Variants in DAPK1 observed in about 807,000 individuals in gnomAD.
DAPK1 encodes death-associated protein kinase 1.
Under a neutral mutation model 144.9 loss-of-function variants are expected in DAPK1, and 56 were observed. The observed-to-expected ratio is 0.39, with a 90% confidence interval of 0.31 to 0.48. The LOEUF (loss-of-function observed/expected upper bound fraction) is 0.48. Among genes scored for constraint, DAPK1 ranks in the 20% least tolerant of loss-of-function variants. The pLI is 0.95. For synonymous variants in DAPK1, 690 were observed against 749.0 expected, an observed-to-expected ratio of 0.92 and a Z score of 1.29; for missense variants, 1,454 against 1,875.4, an observed-to-expected ratio of 0.78 and a Z score of 4.15.
At chr9:87,573,486 G>T (rs1456903815) in intron 2 of DAPK1, among the ~76,000 whole-genome samples, 1 of 152,208 alleles carries the variant, frequency 6.6e-6, no homozygotes, top group Non-Finnish European at 1.5e-5. Flanking sequence ...AGGGAGGGAG[G>T]GGTGAGTTTG....
intron 20 of DAPK1, among the ~76,000 whole-genome samples, chr9:87,685,441 A>G (rs747289877): frequency 4.6e-5 from 7 of 152,198 alleles, no homozygotes; most frequent in Middle Eastern, 3.2e-3. Context: ...CGCAATGTCT[A>G]TTGTATTAAT....
At chr9:87,675,893 A>ACACACACACACACC (rs1157898314) in intron 19 of DAPK1, among the ~76,000 whole-genome samples, 6 of 133,616 alleles carry the variant, frequency 4.5e-5, no homozygotes, top group African/African-American at 1.7e-4. Flanking sequence ...ACACACACAC[A>ACACACACACACACC]CACCCTTATG....
At chr9:87,538,056 A>G (rs1051557372) in intron 2 of DAPK1, among the ~76,000 whole-genome samples, 4 of 152,214 alleles carry the variant, frequency 2.6e-5, no homozygotes, top group South Asian at 2.1e-4. Flanking sequence ...TTTAAGGTCA[A>G]AAGGATTCTA....
intron 2 of DAPK1, among the ~76,000 whole-genome samples, chr9:87,597,377 G>A (rs762526318): frequency 3.3e-5 from 5 of 152,118 alleles, no homozygotes; most frequent in Admixed American, 6.5e-5. Flanking sequence ...GTCTCCATCC[G>A]AAATGAAAAT....
intron 18 of DAPK1, among the ~76,000 whole-genome samples, chr9:87,662,560 G>GGTTTTTT: frequency 3.1e-5 from 1 of 32,156 alleles, no homozygotes; most frequent in Non-Finnish European, 5.1e-5. Flanking sequence ...TATATTCCTA[G>GGTTTTTT]TTTTTTTTTT....
intron 1 of DAPK1, chr9:87,498,526 C>T (rs986270087): frequency 3.1e-4 from 75 of 245,550 alleles, no homozygotes; most frequent in African/African-American, 1.6e-3. Flanking sequence ...GGCGCGGGAG[C>T]CGAGAGGTGG....
intron 2 of DAPK1, among the ~76,000 whole-genome samples, chr9:87,534,804 C>G (rs1825808628): frequency 6.6e-6 from 1 of 152,028 alleles, no homozygotes; most frequent in Non-Finnish European, 1.5e-5. Flanking sequence ...GCCACCACGC[C>G]TGGCTAACTT....
chr9:87,628,527 C>A (rs1423615860), intron 3 of DAPK1, among the ~76,000 whole-genome samples: 3 of 152,154 alleles, frequency 2.0e-5, no homozygotes, highest in African/African-American at 7.2e-5. Context: ...CCTCCAGTGA[C>A]CCAAGGAACT....
chr9:87,533,086 T>C (rs1334531381), intron 2 of DAPK1, among the ~76,000 whole-genome samples: 1 of 152,186 alleles, frequency 6.6e-6, no homozygotes, highest in African/African-American at 2.4e-5. Context: ...TATAATGTAA[T>C]TAAGGCCTGG....
Position 87,702,882 on chromosome 9 carries a change from A to G in DAPK1, c.2872-147A>G. 5.0e-6 allele frequency: 3 copies of G among 596,244 alleles called. No individual in the cohort carries two copies. The South Asian group carries it at 6.6e-5, about 13-fold the overall frequency. 36.9% of individuals were successfully genotyped at this position (596,244 alleles called of 1,614,324 possible). ...GCGAGACCCAGTCTAAAAAAAGAAAAAAAAACGTCAACAACAACAAAAAAA... is the reference window on the plus strand; with the variant it reads ...GCGAGACCCAGTCTAAAAAAAGAAAGAAAAACGTCAACAACAACAAAAAAA... On this transcript the variant is annotated intron_variant, in intron 24 of 25. Transcript: ENST00000408954.
intron 2 of DAPK1, among the ~76,000 whole-genome samples, chr9:87,546,835 A>G (rs1000541291): frequency 2.6e-5 from 4 of 152,034 alleles, no homozygotes; most frequent in Non-Finnish European, 4.4e-5. Flanking sequence ...GCCTAGAGCA[A>G]TCTGCATTCC....
chr9:87,702,430 C>T (rs2118081021), intron 24 of DAPK1, among the ~76,000 whole-genome samples: 1 of 152,308 alleles, frequency 6.6e-6, no homozygotes, highest in East Asian at 1.9e-4. Flanking sequence ...TACTGGTAAA[C>T]ACTCACTCTA....
intron 11 of DAPK1, among the ~76,000 whole-genome samples, chr9:87,645,076 G>C (rs1830223828): frequency 6.6e-6 from 1 of 152,206 alleles, no homozygotes; most frequent in Non-Finnish European, 1.5e-5. Context: ...CCCACAAGCA[G>C]AGATTCAGCC....
chr9:87,519,292 A>G (rs1481662698), intron 2 of DAPK1, among the ~76,000 whole-genome samples: 1 of 152,252 alleles, frequency 6.6e-6, no homozygotes, highest in Non-Finnish European at 1.5e-5. Flanking sequence ...CCCTATAAAA[A>G]GACTGCTGTT....
rs527821719 is a variant in DAPK1, at chr9:87,590,381, AAAAAGAAAAG to A, written c.63-14558_63-14549del. Reference sequence around the variant, plus strand: ...AGATCATTGGCCTCAAAAAAAAAAAAAAAAGAAAAGAAAAGAAAAGAAAAAGGAAGCTAAA... The same window carrying A: ...AGATCATTGGCCTCAAAAAAAAAAAAAAAAGAAAAGAAAAAGGAAGCTAAA... On this transcript the variant is annotated intron_variant, in intron 2 of 25. Transcript: ENST00000408954. Among the ~76,000 whole-genome samples, 11 of 149,772 alleles carry A rather than the reference AAAAAGAAAAG, an allele frequency of 7.3e-5. 1 individual carries two copies. In the South Asian group the frequency reaches 1.5e-3, roughly 20 times the overall value.
chr9:87,693,020 C>CTTTTTTTTT (rs1554705928), intron 21 of DAPK1, among the ~76,000 whole-genome samples: 2 of 61,184 alleles, frequency 3.3e-5, no homozygotes, highest in Admixed American at 2.6e-4. Flanking sequence ...TTGTCTTTGA[C>CTTTTTTTTT]TTTTGACAAT....
chr9:87,696,065 G>A (rs1007826271), intron 21 of DAPK1, among the ~76,000 whole-genome samples: 4 of 152,092 alleles, frequency 2.6e-5, no homozygotes, highest in East Asian at 1.9e-4. Flanking sequence ...ACACTTCTGC[G>A]TAATATGACC....
chr9:87,572,046 A>G (rs1378672839), intron 2 of DAPK1, among the ~76,000 whole-genome samples: 1 of 152,216 alleles, frequency 6.6e-6, no homozygotes, highest in Non-Finnish European at 1.5e-5. Flanking sequence ...AGGGCTGGGA[A>G]TAAAAAAGTC....
At chr9:87,692,229 T>C (rs141936232) in intron 21 of DAPK1, among the ~76,000 whole-genome samples, 2 of 124,850 alleles carry the variant, frequency 1.6e-5, no homozygotes, top group South Asian at 3.4e-4. Context: ...TTTTGCATTA[T>C]ATAATGACCT....
Sources: gnomAD v4.1 joint callset for allele counts (sites outside exome capture counted in the v4.1 genomes callset) on GRCh38, gnomAD v4.1.1 for gene constraint, MANE v1.5 for transcripts, NCBI Gene and HGNC (gene_info 2026-07-23, HGNC 2026-07-21) for gene names.